Variants in ANKFY1 observed in about 807,000 individuals in gnomAD.
The protein encoded by ANKFY1 is ankyrin repeat and FYVE domain containing 1, also known as ankyrin repeat and FYVE domain-containing protein 1.
Under a neutral mutation model 128.3 loss-of-function variants are expected in ANKFY1, and 47 were observed. The observed-to-expected ratio is 0.37, with a 90% CI of 0.29 to 0.47. ANKFY1 has a LOEUF of 0.47. ANKFY1 is among the 20% of genes least tolerant of loss of function. ANKFY1 has a pLI of 1.00. For synonymous variants in ANKFY1, 553 were observed against 601.6 expected, an observed-to-expected ratio of 0.92 and a Z score of 1.18; for missense variants, 1,222 against 1,510.6, an observed-to-expected ratio of 0.81 and a Z score of 3.17.
At chr17:4,262,598 T>C (rs912037956) in intron 1 of ANKFY1, among the ~76,000 whole-genome samples, 7 of 151,718 alleles carry the variant, frequency 4.6e-5, no homozygotes, top group African/African-American at 1.7e-4. Flanking sequence ...CCCTTTTTAA[T>C]TAGCCGGGTG....
chr17:4,222,304 C>G (rs1018249101), intron 3 of ANKFY1: 3 of 695,888 alleles, frequency 4.3e-6, no homozygotes, highest in Non-Finnish European at 8.0e-6. Flanking sequence ...GGTGCACCGG[C>G]TGATCGGTCT....
chr17:4,262,235 C>G (rs1158391266), intron 1 of ANKFY1, among the ~76,000 whole-genome samples: 8 of 152,166 alleles, frequency 5.3e-5, no homozygotes, highest in African/African-American at 1.9e-4. Flanking sequence ...CTCCCGGATT[C>G]AAATGATCCT....
chr17:4,189,563 C>T (rs1316667034), intron 10 of ANKFY1, 84 bp from the exon 11 acceptor site: 8 of 1,240,206 alleles, frequency 6.5e-6, no homozygotes, highest in Non-Finnish European at 6.8e-6. Context: ...TCCCTGCCAC[C>T]CTATGACTGG....
At chr17:4,175,785 T>C (rs938716943) in intron 19 of ANKFY1, among the ~76,000 whole-genome samples, 3 of 152,162 alleles carry the variant, frequency 2.0e-5, no homozygotes, top group African/African-American at 7.2e-5. Flanking sequence ...GCCCCACAGC[T>C]GGTTAACTGG....
At position 4,182,184 on chromosome 17, in the gene ANKFY1, A is replaced by G. The variant is rs780917718; in HGVS notation, c.2118T>C (p.Thr706=). The G allele has an allele frequency of 1.3e-6, 2 of 1,525,358 alleles. No individual in the cohort carries two copies. The highest frequency in any genetic ancestry group is 1.3e-5 in the South Asian group (1 of 75,256). The allele number at this position is 1,525,358 out of a possible 1,614,324, so 94.5% of individuals were successfully genotyped here. A position where few individuals can be genotyped will look rare whatever the true frequency, so the allele number is the denominator to read the frequency against. Residue 706 remains threonine (T), a synonymous_variant, in exon 15 of 25, where the codon ACT becomes ACC. Transcript: ENST00000341657. ...LANNLEDIAS[T]LVRHGCDATC... ...GCTAACGTTGTGCCTGTCTCACCAG[A>G]GTGGATGCGATGTCCTCCAGATTGT...
At position 4,228,706 on chromosome 17, in the gene ANKFY1, C is replaced by G. The variant is rs141622944; in HGVS notation, c.322+7066G>C. On this transcript the variant is annotated intron_variant, in intron 3 of 24. Coordinates refer to ENST00000341657, the MANE Select transcript of ANKFY1 (RefSeq NM_001330063.2). ...TGCTGGAATTACAGGCGTGAGCCACCACACCCAGCAAGGATAGAAATGTTT... is the reference window on the plus strand; with the variant it reads ...TGCTGGAATTACAGGCGTGAGCCACGACACCCAGCAAGGATAGAAATGTTT... Among the ~76,000 whole-genome samples, 442 of 152,312 alleles carry G rather than the reference C, an allele frequency of 2.9e-3. 2 individuals carry two copies. The highest frequency in any genetic ancestry group is 0.01 in the African/African-American group (417 of 41,568).
intron 10 of ANKFY1, among the ~76,000 whole-genome samples, chr17:4,194,103 A>ATTTTTTTTT (rs796921017): frequency 9.2e-6 from 1 of 108,186 alleles, no homozygotes; most frequent in African/African-American, 4.9e-5. Context: ...ATATATATAT[A>ATTTTTTTTT]TTTTTTTTTT....
At chr17:4,246,835 G>T (rs1341678498) in intron 1 of ANKFY1, among the ~76,000 whole-genome samples, 1 of 152,202 alleles carries the variant, frequency 6.6e-6, no homozygotes, top group Non-Finnish European at 1.5e-5. Flanking sequence ...ATCTAGGCTG[G>T]GTGTGGTGTT....
intron 1 of ANKFY1, among the ~76,000 whole-genome samples, chr17:4,246,327 TC>T (rs1161967853): frequency 3.3e-5 from 5 of 152,210 alleles, no homozygotes; most frequent in Admixed American, 6.5e-5. Flanking sequence ...GGTCAGATTC[TC>T]CTTTTAAGCT....
chr17:4,260,145 G>A (rs1968332211), intron 1 of ANKFY1, among the ~76,000 whole-genome samples: 1 of 152,214 alleles, frequency 6.6e-6, no homozygotes. Context: ...TTACGGAGAA[G>A]TGTGAGAGTT....
In ANKFY1 at chr17:4,177,322, G is replaced by C; in HGVS notation, c.2599-20C>G. On this transcript the variant is annotated intron_variant, in intron 18 of 24. Transcript: ENST00000341657. ...ATCCACCTACAGCAACAAGTGCAAAGCAAAATATTAGTTCCCTTTTCAGAG... is the reference window on the plus strand; with the variant it reads ...ATCCACCTACAGCAACAAGTGCAAACCAAAATATTAGTTCCCTTTTCAGAG... 2 of 1,556,740 alleles carry C rather than the reference G, an allele frequency of 1.3e-6. No homozygotes were observed. The highest frequency in any genetic ancestry group is 8.7e-7 in the Non-Finnish European group (1 of 1,148,688).
chr17:4,238,836 T>G (rs1967055832), intron 2 of ANKFY1, among the ~76,000 whole-genome samples: 1 of 151,510 alleles, frequency 6.6e-6, no homozygotes, highest in African/African-American at 2.4e-5. Flanking sequence ...CTCAGCTCAC[T>G]GCAACCTCCA....
intron 24 of ANKFY1, 160 bp from the exon 25 acceptor site, chr17:4,168,071 A>T: frequency 5.7e-6 from 4 of 706,876 alleles, no homozygotes; most frequent in Non-Finnish European, 8.8e-6. Context: ...ATTCATGTAG[A>T]ATTTTTAGTC....
intron 21 of ANKFY1, 83 bp downstream of exon 21, chr17:4,173,271 G>C: frequency 7.4e-7 from 1 of 1,356,456 alleles, no homozygotes; most frequent in Non-Finnish European, 1.0e-6. Context: ...CTCCTCCCTG[G>C]GGCTGATGGG....
At chr17:4,222,333 T>G in intron 3 of ANKFY1, 1 of 746,028 alleles carries the variant, frequency 1.3e-6, no homozygotes, top group African/African-American at 1.7e-5. Context: ...AACTTTATTA[T>G]GTGACAAATG....
chr17:4,174,210 G>A (rs900896900), intron 19 of ANKFY1, among the ~76,000 whole-genome samples, 154 bp from the exon 20 acceptor site: 1 of 152,196 alleles, frequency 6.6e-6, no homozygotes, highest in African/African-American at 2.4e-5. Context: ...ACACACTCCT[G>A]CTGAAGCAGA....
At chr17:4,186,382 C>A (rs1189149028) in intron 11 of ANKFY1, 1 of 152,636 alleles carries the variant, frequency 6.6e-6, no homozygotes, top group Non-Finnish European at 1.5e-5. Context: ...GTTACAGATT[C>A]ATTTGTTCCT....
chr17:4,181,357 C>T lies in ANKFY1; in HGVS notation c.2137G>A (p.Asp713Asn), dbSNP rs763483643. The T allele has an allele frequency of 2.5e-6, 4 of 1,614,090 alleles. No individual in the cohort carries two copies. Among genetic ancestry groups the T allele is most frequent in the Admixed American group, 3.3e-5 (2 of 60,028 alleles). Residue 713 changes from aspartate (D) to asparagine (N), a missense_variant, in exon 16 of 25, where the codon GAT (aspartate) becomes AAT (asparagine). Asp to Asn is a conservative substitution (Grantham distance 23). Transcript: ENST00000341657. This position sits in a 1 kb window ranked among gnomAD's most constrained non-coding sequence, Gnocchi z 4.9. The part of the protein sequence containing the change: ...IASTLVRHGC[D>N]ATCWGPGPGG... ...GGTCCCGGACCCCAGCATGTGGCATCACAGCCATGTCTGACCTGCAGAAAA... is the reference window on the plus strand; with the variant it reads ...GGTCCCGGACCCCAGCATGTGGCATTACAGCCATGTCTGACCTGCAGAAAA...
intron 22 of ANKFY1, 115 bp from the exon 23 acceptor site, chr17:4,170,976 A>T: frequency 6.8e-7 from 1 of 1,461,340 alleles, no homozygotes; most frequent in Non-Finnish European, 9.4e-7. Context: ...AAATCTGTTC[A>T]CAAAGTCCCC....
Sources: gnomAD v4.1 joint callset for allele counts (sites outside exome capture counted in the v4.1 genomes callset) on GRCh38, gnomAD v4.1.1 for gene constraint, Gnocchi (gnomAD v3.1) non-coding constraint, MANE v1.5 for transcripts, NCBI Gene and HGNC (gene_info 2026-07-23, HGNC 2026-07-21) for gene names.